SYT14: variants seen among roughly 807,000 people sequenced by gnomAD.
The protein encoded by SYT14 is synaptotagmin-14.
A neutral mutation model predicts 74.2 loss-of-function variants in SYT14; 32 were observed. The ratio of observed to expected loss-of-function variants is 0.43; its 90% CI spans 0.33 to 0.58. The LOEUF is 0.58. Among genes scored for constraint, SYT14 ranks in the 20% least tolerant of loss-of-function variants. SYT14 has a pLI of 0.05. For synonymous variants in SYT14, 298 were observed against 337.7 expected, an observed-to-expected ratio of 0.88 and a Z score of 1.29; for missense variants, 791 against 981.8, an observed-to-expected ratio of 0.81 and a Z score of 2.60.
At chr1:210,132,237 C>T (rs1008114220) in intron 7 of SYT14, among the ~76,000 whole-genome samples, 3 of 152,076 alleles carry the variant, frequency 2.0e-5, no homozygotes, top group African/African-American at 4.8e-5. Flanking sequence ...TGATGGCCAC[C>T]ACCAGGCTGC....
chr1:209,947,280 T>C (rs2078838198), intron 1 of SYT14, among the ~76,000 whole-genome samples: 1 of 152,216 alleles, frequency 6.6e-6, no homozygotes, highest in Non-Finnish European at 1.5e-5. Context: ...CTGCCATAGA[T>C]AGTGATTCCT....
intron 5 of SYT14, among the ~76,000 whole-genome samples, chr1:210,084,822 A>G (rs2081689545): frequency 6.6e-6 from 1 of 152,252 alleles, no homozygotes; most frequent in African/African-American, 2.4e-5. Context: ...TCATCTTCTA[A>G]TTAAGTTTAT....
chr1:210,048,859 G>T (rs561208887), intron 5 of SYT14, among the ~76,000 whole-genome samples: 1 of 152,158 alleles, frequency 6.6e-6, no homozygotes, highest in African/African-American at 2.4e-5. Flanking sequence ...AGATACAATG[G>T]GGGTACAGGC....
At chr1:209,988,479 A>C (rs571131396) in intron 2 of SYT14, among the ~76,000 whole-genome samples, 7 of 151,976 alleles carry the variant, frequency 4.6e-5, no homozygotes, top group Non-Finnish European at 8.8e-5. Context: ...ATACCTGATA[A>C]TTTCTTTATT....
chr1:210,032,617 A>AT (rs2080564881), intron 5 of SYT14, among the ~76,000 whole-genome samples: 1 of 150,040 alleles, frequency 6.7e-6, no homozygotes, highest in Non-Finnish European at 1.5e-5. Flanking sequence ...TGCTTCTTTC[A>AT]TTTTTTCATT....
chr1:210,111,981 G>A (rs2082271321), intron 7 of SYT14, among the ~76,000 whole-genome samples: 1 of 151,162 alleles, frequency 6.6e-6, no homozygotes, highest in South Asian at 2.1e-4. Context: ...GGGGCATGAA[G>A]GTTTCACTGA....
At chr1:210,026,745 ATTCC>A (rs1267469735) in intron 5 of SYT14, among the ~76,000 whole-genome samples, 1 of 151,836 alleles carries the variant, frequency 6.6e-6, no homozygotes, top group African/African-American at 2.4e-5. Flanking sequence ...ACATTTATTT[ATTCC>A]TTTTATTTAT....
At chr1:210,037,792 G>A (rs745530572) in intron 5 of SYT14, among the ~76,000 whole-genome samples, 17 of 151,962 alleles carry the variant, frequency 1.1e-4, no homozygotes, top group East Asian at 1.9e-4. Flanking sequence ...CACTCTGGTC[G>A]AGGAAGATAT....
chr1:210,089,429 G>A (rs2081816555), intron 5 of SYT14, among the ~76,000 whole-genome samples: 1 of 152,050 alleles, frequency 6.6e-6, no homozygotes, highest in African/African-American at 2.4e-5. Context: ...GGTATTTCTG[G>A]TTCTAGATCC....
intron 5 of SYT14, among the ~76,000 whole-genome samples, chr1:210,040,512 A>AT (rs1203679649): frequency 1.3e-5 from 2 of 152,036 alleles, no homozygotes; most frequent in Admixed American, 1.3e-4. Context: ...TTAAAGTGTA[A>AT]TTTAAAAAAA....
intron 5 of SYT14, among the ~76,000 whole-genome samples, chr1:210,054,716 G>A (rs1015951758): frequency 3.3e-5 from 5 of 152,004 alleles, no homozygotes; most frequent in South Asian, 2.1e-4. Context: ...TTGTCTCTTA[G>A]GCCCCTTAAT....
intron 5 of SYT14, among the ~76,000 whole-genome samples, chr1:210,035,985 A>G (rs1377199824): frequency 6.6e-6 from 1 of 151,840 alleles, no homozygotes; most frequent in Non-Finnish European, 1.5e-5. Flanking sequence ...AATCTATAGA[A>G]CACTTTGTGT....
chr1:210,141,048 A>C (rs1203034411), intron 7 of SYT14, among the ~76,000 whole-genome samples: 2 of 75,416 alleles, frequency 2.7e-5, no homozygotes, highest in African/African-American at 2.4e-4. Flanking sequence ...TGTTTCTGCA[A>C]AAAAAAAAAA....
At chr1:209,950,653 T>C (rs1053530774) in intron 1 of SYT14, among the ~76,000 whole-genome samples, 4 of 152,218 alleles carry the variant, frequency 2.6e-5, no homozygotes, top group Non-Finnish European at 4.4e-5. Context: ...AATGAAGATC[T>C]AACCTACTTT....
At chr1:210,161,067 C>T in exon 10 of SYT14, 1 of 1,608,574 alleles carries the variant, frequency 6.2e-7, no homozygotes, top group Non-Finnish European at 8.5e-7. Context: ...AAGCAGTTAC[C>T]ATCAAAGGCA....
intron 1 of SYT14, among the ~76,000 whole-genome samples, chr1:209,952,071 T>A (rs2078920205): frequency 6.6e-6 from 1 of 152,162 alleles, no homozygotes; most frequent in South Asian, 2.1e-4. Flanking sequence ...GGTGCTTACT[T>A]TGTGACAATT....
chr1:210,004,752 A>T (rs1337666900), intron 2 of SYT14, among the ~76,000 whole-genome samples: 1 of 152,060 alleles, frequency 6.6e-6, no homozygotes, highest in Non-Finnish European at 1.5e-5. Context: ...GTTACTCAGC[A>T]AATCTATCAG....
intron 5 of SYT14, among the ~76,000 whole-genome samples, chr1:210,053,698 A>G (rs1558156464): frequency 6.6e-6 from 1 of 152,196 alleles, no homozygotes; most frequent in Non-Finnish European, 1.5e-5. Flanking sequence ...TTGAGTGCTT[A>G]CATGTTCAAC....
intron 7 of SYT14, among the ~76,000 whole-genome samples, chr1:210,135,943 G>A (rs543497828): frequency 6.6e-6 from 1 of 152,304 alleles, no homozygotes; most frequent in South Asian, 2.1e-4. Context: ...GAGTTGTGGG[G>A]ATTGTTCTGC....
Sources: gnomAD v4.1 joint callset for allele counts (sites outside exome capture counted in the v4.1 genomes callset) on GRCh38, gnomAD v4.1.1 for gene constraint, MANE v1.5 for transcripts, NCBI Gene and HGNC (gene_info 2026-07-23, HGNC 2026-07-21) for gene names.